HDAC8: variants seen among roughly 807,000 people sequenced by gnomAD.
The protein encoded by HDAC8 is histone deacetylase-like 1.
In HDAC8, 1 loss-of-function variant was observed where a neutral mutation model predicts 32.2. The observed-to-expected ratio is 0.03, with a 90% CI of 0.01 to 0.15. The LOEUF (loss-of-function observed/expected upper bound fraction) is 0.15, where lower values mean the gene tolerates loss of function less well. Among genes scored for constraint, HDAC8 ranks in the 10% least tolerant of loss-of-function variants. The pLI, the probability that HDAC8 is intolerant of heterozygous loss-of-function variation, is 1.00. For missense variants in HDAC8, 117 were observed against 300.0 expected, an observed-to-expected ratio of 0.39 and a Z score of 4.51; for synonymous variants, 108 against 113.9, an observed-to-expected ratio of 0.95 and a Z score of 0.33.
chrX:72,477,331 G>A (rs1556001100), intron 7 of HDAC8, among the ~76,000 whole-genome samples: 1 of 112,104 alleles, frequency 8.9e-6, no homozygotes, highest in Non-Finnish European at 1.9e-5. Context: ...ATACGGGTGG[G>A]AATAAAGGCC....
intron 9 of HDAC8, among the ~76,000 whole-genome samples, chrX:72,389,229 C>T (rs1341917987): frequency 9.0e-6 from 1 of 111,724 alleles, no homozygotes; most frequent in Non-Finnish European, 1.9e-5. Context: ...CACAGGGAGA[C>T]ACGCTGAGCA....
At chrX:72,339,667 G>C (rs1305701383) in intron 10 of HDAC8, among the ~76,000 whole-genome samples, 2 of 112,040 alleles carry the variant, frequency 1.8e-5, no homozygotes, top group African/African-American at 6.5e-5. Context: ...AGAGGCCATG[G>C]GGAGCCTCTG....
At chrX:72,502,405 T>C (rs2049250316) in intron 4 of HDAC8, among the ~76,000 whole-genome samples, 1 of 111,684 alleles carries the variant, frequency 9.0e-6, no homozygotes, top group Admixed American at 9.5e-5. Context: ...AAGTGGGAAC[T>C]AAATGATGAG....
At chrX:72,459,548 T>C (rs2047812600) in intron 9 of HDAC8, among the ~76,000 whole-genome samples, 1 of 111,451 alleles carries the variant, frequency 9.0e-6, no homozygotes, top group Non-Finnish European at 1.9e-5. Context: ...TTCTTGATTA[T>C]ATTTTCAGCT....
chrX:72,424,481 T>TA (rs781890624), intron 9 of HDAC8, among the ~76,000 whole-genome samples: 1 of 111,946 alleles, frequency 8.9e-6, no homozygotes, highest in Non-Finnish European at 1.9e-5. Flanking sequence ...ATAATTTTCT[T>TA]GTCTTTTATC....
At chrX:72,378,866 T>TA (rs1369334196) in intron 9 of HDAC8, among the ~76,000 whole-genome samples, 1 of 110,165 alleles carries the variant, frequency 9.1e-6, no homozygotes, top group African/African-American at 3.3e-5. Context: ...TTCCCTTCAG[T>TA]ACTTTTTTTT....
rs1489466651 is a variant in HDAC8, at chrX:72,572,799, C to G, written c.-38G>C. 1 of 1,145,339 alleles carries G rather than the reference C, an allele frequency of 8.7e-7. No homozygotes were observed. Among genetic ancestry groups the G allele is most frequent in the African/African-American group, 1.8e-5 (1 of 56,598 alleles). 94.4% of individuals were successfully genotyped at this position (1,145,339 alleles called of 1,213,427 possible). On this transcript the variant is annotated 5_prime_UTR_variant, in exon 1 of 11. Transcript: ENST00000373573. ...ACCGTTCCGCAGCCACCTTCCAGAT[C>G]TGGCTTTTTTCGGACTCGGCCAGGG...
chrX:72,457,649 G>T (rs1025562697), intron 9 of HDAC8, among the ~76,000 whole-genome samples: 1 of 111,847 alleles, frequency 8.9e-6, no homozygotes, highest in African/African-American at 3.2e-5. Context: ...AATAATATTT[G>T]TGTAAGATGT....
At chrX:72,452,836 A>T (rs782039488) in intron 9 of HDAC8, among the ~76,000 whole-genome samples, 3 of 111,969 alleles carry the variant, frequency 2.7e-5, no homozygotes, top group Non-Finnish European at 3.8e-5. Context: ...TATAATCTGA[A>T]GAAAAATCAG....
At chrX:72,336,468 T>C (rs1286091565) in intron 10 of HDAC8, among the ~76,000 whole-genome samples, 1 of 112,940 alleles carries the variant, frequency 8.9e-6, no homozygotes, top group African/African-American at 3.2e-5. Flanking sequence ...ATGGATTTAT[T>C]GGGACATAAC....
intron 4 of HDAC8, among the ~76,000 whole-genome samples, chrX:72,544,746 T>C (rs2050808929): frequency 8.9e-6 from 1 of 112,011 alleles, no homozygotes; most frequent in Non-Finnish European, 1.9e-5. Context: ...GGAATTGATT[T>C]AGAAGGTTCC....
chrX:72,338,880 C>A (rs2043809577), intron 10 of HDAC8, among the ~76,000 whole-genome samples: 1 of 106,447 alleles, frequency 9.4e-6, no homozygotes, highest in Non-Finnish European at 1.9e-5. Flanking sequence ...GAGTCCCTGT[C>A]TCTATTAATT....
intron 4 of HDAC8, among the ~76,000 whole-genome samples, chrX:72,535,376 T>C (rs782489379): frequency 1.8e-5 from 2 of 111,628 alleles, no homozygotes; most frequent in African/African-American, 6.5e-5. Flanking sequence ...ATTTTCAGTG[T>C]TCTTTCTCTT....
At chrX:72,339,127 C>T (rs1402568723) in intron 10 of HDAC8, among the ~76,000 whole-genome samples, 6 of 111,598 alleles carry the variant, frequency 5.4e-5, no homozygotes, top group Non-Finnish European at 1.1e-4. Context: ...TACCCTTGGC[C>T]AGCCGGTGTC....
chrX:72,445,600 T>C (rs1555984392), intron 9 of HDAC8, among the ~76,000 whole-genome samples: 1 of 112,077 alleles, frequency 8.9e-6, no homozygotes, highest in Admixed American at 9.5e-5. Flanking sequence ...ACCTAGGCAT[T>C]ACCATTCAGG....
chrX:72,509,918 C>T (rs1556021150), intron 4 of HDAC8, among the ~76,000 whole-genome samples: 1 of 111,558 alleles, frequency 9.0e-6, no homozygotes, highest in South Asian at 3.8e-4. Flanking sequence ...CAGTTTGCCT[C>T]TGTCTCCTTT....
intron 9 of HDAC8, among the ~76,000 whole-genome samples, chrX:72,411,146 C>T (rs2147898605): frequency 9.1e-6 from 1 of 109,876 alleles, no homozygotes; most frequent in Non-Finnish European, 1.9e-5. Context: ...CTGCCTCAGC[C>T]TCCCAAGTAG....
intron 4 of HDAC8, among the ~76,000 whole-genome samples, chrX:72,510,511 A>G (rs180883842): frequency 1.9e-4 from 21 of 111,740 alleles, no homozygotes; most frequent in Admixed American, 3.8e-4. Context: ...CAGTTTTTGG[A>G]CCCATAGGCC....
At chrX:72,416,216 C>T (rs144149310) in intron 9 of HDAC8, among the ~76,000 whole-genome samples, 1,606 of 109,485 alleles carry the variant, frequency 0.015, 27 homozygotes, top group African/African-American at 0.05. Flanking sequence ...TTAATAGCTA[C>T]GGGGCCATTC....
Sources: gnomAD v4.1 joint callset for allele counts (sites outside exome capture counted in the v4.1 genomes callset) on GRCh38, gnomAD v4.1.1 for gene constraint, MANE v1.5 for transcripts, NCBI Gene and HGNC (gene_info 2026-07-23, HGNC 2026-07-21) for gene names.